ZFHX3: variants seen among roughly 807,000 people sequenced by gnomAD.
The protein encoded by ZFHX3 is zinc finger homeobox 3, also known as zinc finger homeobox protein 3.
In ZFHX3, 42 loss-of-function variants were observed where a neutral mutation model predicts 279.1. That is an observed-to-expected ratio of 0.15 (90% CI 0.12 to 0.19). The LOEUF is 0.19. Ranked by LOEUF, ZFHX3 falls within the 10% of genes least tolerant of loss-of-function variation. ZFHX3 has a pLI of 1.00. For synonymous variants in ZFHX3, 2,293 were observed against 1,957.8 expected, an observed-to-expected ratio of 1.17 and a Z score of -4.52; for missense variants, 4,981 against 4,754.0, an observed-to-expected ratio of 1.05 and a Z score of -1.40.
At chr16:73,279,204 A>T (rs2143055284) in intron 4 of ZFHX3, among the ~76,000 whole-genome samples, 1 of 152,258 alleles carries the variant, frequency 6.6e-6, no homozygotes, top group Middle Eastern at 3.4e-3. Context: ...ATCCCATCAA[A>T]GGTATTGGTT....
chr16:72,947,268 C>A (rs1960729638), intron 3 of ZFHX3, among the ~76,000 whole-genome samples: 1 of 152,214 alleles, frequency 6.6e-6, no homozygotes, highest in Non-Finnish European at 1.5e-5. Flanking sequence ...TGAACCTAAT[C>A]CTGATTTAAA....
chr16:73,281,699 A>G (rs1442678096), intron 4 of ZFHX3, among the ~76,000 whole-genome samples: 1 of 152,068 alleles, frequency 6.6e-6, no homozygotes, highest in Non-Finnish European at 1.5e-5. Flanking sequence ...TATAACTTTG[A>G]TGGTGGTGAG....
At chr16:73,294,224 AG>A (rs1555508368) in intron 4 of ZFHX3, 1 of 152,112 alleles carries the variant, frequency 6.6e-6, no homozygotes, top group Non-Finnish European at 1.5e-5. Context: ...TGTCCTTGAG[AG>A]GAGGAGGTCC....
chr16:72,863,220 A>T lies in ZFHX3; in HGVS notation c.3448+26511T>A, dbSNP rs183135887. 1.8e-4 allele frequency among the ~76,000 whole-genome samples: 27 copies of T among 151,914 alleles called. No individual in the cohort carries two copies. In the East Asian group the frequency reaches 5.2e-3, roughly 29 times the overall value. On this transcript the variant is annotated intron_variant, in intron 4 of 9. Coordinates refer to ENST00000268489, the MANE Select transcript of ZFHX3 (RefSeq NM_006885.4). ...CTTGTTAATAAAAAAAGAGAGATAC[A>T]GGTCAGGCATGGTGGCTCACACCTG...
chr16:73,009,856 A>G (rs926459585), intron 1 of ZFHX3, among the ~76,000 whole-genome samples: 15 of 152,056 alleles, frequency 9.9e-5, no homozygotes, highest in Non-Finnish European at 2.9e-5. Flanking sequence ...CCCCGTCTCT[A>G]GTAAAAATAA....
At chr16:73,585,192 C>T (rs1039496789) in intron 2 of ZFHX3, among the ~76,000 whole-genome samples, 14 of 152,202 alleles carry the variant, frequency 9.2e-5, no homozygotes, top group African/African-American at 1.2e-4. Context: ...CCGAGGTGGG[C>T]GGATCACGAG....
chr16:73,601,489 G>GT (rs2052117964), intron 2 of ZFHX3, among the ~76,000 whole-genome samples: 1 of 145,658 alleles, frequency 6.9e-6, no homozygotes, highest in Non-Finnish European at 1.5e-5. Flanking sequence ...AAAAAAAATT[G>GT]TTTGGCGCTC....
intron 3 of ZFHX3, among the ~76,000 whole-genome samples, chr16:73,433,431 C>T (rs564246040): frequency 2.0e-5 from 3 of 152,278 alleles, no homozygotes; most frequent in Non-Finnish European, 2.9e-5. Flanking sequence ...AAAACATGCA[C>T]AGCACCCCCT....
At chr16:73,705,927 T>C (rs1220354199) in intron 1 of ZFHX3, among the ~76,000 whole-genome samples, 2 of 152,126 alleles carry the variant, frequency 1.3e-5, no homozygotes, top group African/African-American at 2.4e-5. Context: ...CGACTCTTGT[T>C]ATACCTCACA....
chr16:73,288,295 C>G (rs2014680969), intron 4 of ZFHX3, among the ~76,000 whole-genome samples: 1 of 152,092 alleles, frequency 6.6e-6, no homozygotes, highest in African/African-American at 2.4e-5. Context: ...CAGGGGATTG[C>G]AGGCTCCCAG....
chr16:73,165,457 T>C (rs1967340061), intron 5 of ZFHX3, among the ~76,000 whole-genome samples: 1 of 152,218 alleles, frequency 6.6e-6, no homozygotes, highest in Non-Finnish European at 1.5e-5. Context: ...CCTGTGGCAA[T>C]GTGTCTTTGC....
At chr16:73,501,860 C>T (rs1272039078) in intron 2 of ZFHX3, among the ~76,000 whole-genome samples, 2 of 152,122 alleles carry the variant, frequency 1.3e-5, no homozygotes, top group South Asian at 2.1e-4. Flanking sequence ...CCCAACGTCT[C>T]GTCTGTAAGG....
At chr16:73,211,238 C>T (rs929279625) in intron 5 of ZFHX3, among the ~76,000 whole-genome samples, 6 of 152,134 alleles carry the variant, frequency 3.9e-5, no homozygotes, top group African/African-American at 1.4e-4. Flanking sequence ...TGACTTGCTT[C>T]TTTAAGAAGC....
intron 8 of ZFHX3, among the ~76,000 whole-genome samples, chr16:73,072,181 T>G (rs1452195744): frequency 2.0e-5 from 3 of 152,164 alleles, no homozygotes. Flanking sequence ...CCAGGTGGGG[T>G]GGCTCACGCC....
At chr16:73,594,095 A>T (rs1275531914) in intron 2 of ZFHX3, among the ~76,000 whole-genome samples, 2 of 152,216 alleles carry the variant, frequency 1.3e-5, no homozygotes, top group Non-Finnish European at 2.9e-5. Flanking sequence ...AAAACTATTT[A>T]TATAAGATAT....
chr16:73,280,774 G>A (rs1411383726), intron 4 of ZFHX3, among the ~76,000 whole-genome samples: 1 of 151,922 alleles, frequency 6.6e-6, no homozygotes, highest in Non-Finnish European at 1.5e-5. Context: ...CTGAGGTTGG[G>A]AGTTCAAGAC....
At chr16:73,115,606 C>G (rs945091684) in intron 7 of ZFHX3, among the ~76,000 whole-genome samples, 3 of 152,074 alleles carry the variant, frequency 2.0e-5, no homozygotes. Flanking sequence ...CTAGCATCTC[C>G]TTGCTTCTAG....
intron 2 of ZFHX3, among the ~76,000 whole-genome samples, chr16:73,613,940 C>A (rs1445098083): frequency 6.6e-6 from 1 of 152,194 alleles, no homozygotes; most frequent in Non-Finnish European, 1.5e-5. Context: ...CTCTTTGACA[C>A]CCTCAGCACA....
At chr16:72,852,958 C>T (rs1442889145) in intron 4 of ZFHX3, among the ~76,000 whole-genome samples, 1 of 152,216 alleles carries the variant, frequency 6.6e-6, no homozygotes, top group Non-Finnish European at 1.5e-5. Context: ...CAAGCCTGCC[C>T]TCATGGAACT....
Sources: gnomAD v4.1 joint callset for allele counts (sites outside exome capture counted in the v4.1 genomes callset) on GRCh38, gnomAD v4.1.1 for gene constraint, MANE v1.5 for transcripts, NCBI Gene and HGNC (gene_info 2026-07-23, HGNC 2026-07-21) for gene names.